Variants in MMP24 observed in about 807,000 individuals in gnomAD.
The protein encoded by MMP24 is matrix metallopeptidase 24.
In MMP24, 25 loss-of-function variants were observed where a neutral mutation model predicts 62.8. That is an observed-to-expected ratio of 0.40 (90% confidence interval 0.29 to 0.56). MMP24 has a LOEUF of 0.56. MMP24 is among the 20% of genes least tolerant of loss of function. The pLI is 0.50. For missense variants in MMP24, 634 were observed against 853.6 expected (o/e 0.74, Z 3.21); for synonymous variants, 319 against 350.5 (o/e 0.91, Z 1.00).
At chr20:35,257,644 A>G (rs910060074) in intron 4 of MMP24, among the ~76,000 whole-genome samples, 7 of 152,072 alleles carry the variant, frequency 4.6e-5, no homozygotes, top group Admixed American at 2.0e-4. Flanking sequence ...AACTTGTTGG[A>G]CCCAGCCCCC....
rs183595253 is a variant in MMP24, at chr20:35,242,362, A to T, written c.247-4478A>T. On this transcript the variant is annotated intron_variant, in intron 1 of 8. Coordinates refer to ENST00000246186, the MANE Select transcript of MMP24 (RefSeq NM_006690.4). ...ATAAAATAAAATAAAAATTAAATTT[A>T]AAAAAAGCCCATAATGTCTTTATGT... 6.4e-4 allele frequency among the ~76,000 whole-genome samples: 97 copies of T among 152,192 alleles called. 1 individual carries two copies. The East Asian group carries it at 0.017, about 27-fold the overall frequency.
chr20:35,274,691 T>A lies in MMP24; in HGVS notation c.*82T>A, dbSNP rs2060693947. On this transcript the variant is annotated 3_prime_UTR_variant, in exon 9 of 9. Coordinates refer to ENST00000246186, the MANE Select transcript of MMP24 (RefSeq NM_006690.4). The surrounding 1 kb of genome is among the most constrained non-coding windows in gnomAD (Gnocchi z 5.1). Reference sequence around the variant, plus strand: ...GGGTCTGAGGGGCAGCTCTGGCCAGTGCTCACCAGGGCCAGCAGGGCCCTA... The same window carrying A: ...GGGTCTGAGGGGCAGCTCTGGCCAGAGCTCACCAGGGCCAGCAGGGCCCTA... 6 of 1,255,584 alleles carry A rather than the reference T, an allele frequency of 4.8e-6. No homozygotes were observed. In the Admixed American group the frequency reaches 1.5e-4, roughly 32 times the overall value. The allele number at this position is 1,255,584 out of a possible 1,614,324, so 77.8% of individuals were successfully genotyped here.
intron 4 of MMP24, among the ~76,000 whole-genome samples, chr20:35,261,587 C>G (rs2425027): frequency 0.14 from 20,778 of 152,108 alleles, 1,500 homozygotes; most frequent in South Asian, 0.16. Context: ...CTGTGTCCCA[C>G]TTCCAGGACC....
At chr20:35,266,376 G>T (rs961279765) in intron 5 of MMP24, among the ~76,000 whole-genome samples, 41 of 138,084 alleles carry the variant, frequency 3.0e-4, no homozygotes, top group Non-Finnish European at 4.8e-4. Flanking sequence ...AAAAAAAAAA[G>T]TTGGAGAGCT....
intron 1 of MMP24, among the ~76,000 whole-genome samples, chr20:35,237,840 G>A (rs1046707342): frequency 5.3e-5 from 8 of 152,180 alleles, no homozygotes; most frequent in Admixed American, 6.5e-5. Flanking sequence ...CTAACTCTGT[G>A]GAGGAGGCTG....
rs553647206 is a variant in MMP24, at chr20:35,244,590, G to A, written c.247-2250G>A. On this transcript the variant is annotated intron_variant, in intron 1 of 8. Coordinates refer to ENST00000246186, the MANE Select transcript of MMP24 (RefSeq NM_006690.4). Reference sequence around the variant, plus strand: ...CGAGTAGCTGAGATTACAGGCACCCGTCACCATGCCCGGCTAATTTTTGTA... The same window carrying A: ...CGAGTAGCTGAGATTACAGGCACCCATCACCATGCCCGGCTAATTTTTGTA... Among the ~76,000 whole-genome samples the A allele has an allele frequency of 2.2e-3, 330 of 151,912 alleles. 1 individual carries two copies. Among genetic ancestry groups the A allele is most frequent in the African/African-American group, 7.6e-3 (316 of 41,388 alleles).
rs1316763623 is a variant in MMP24, at chr20:35,270,327, G to A, written c.1333+429G>A. The stretch of plus-strand genomic sequence containing the variant: ...CTCGGGCCAGACCTCAGATGGGTGA[G>A]ATACAGATAGTGAGAAGCAAGGAAG... On this transcript the variant is annotated intron_variant, in intron 7 of 8. Transcript: ENST00000246186. 2.0e-5 allele frequency among the ~76,000 whole-genome samples: 3 copies of A among 152,234 alleles called. No individual in the cohort carries two copies. In the Middle Eastern group the frequency reaches 9.5e-3, roughly 482 times the overall value.
rs1338200425 is a variant in MMP24, at chr20:35,251,888, G to T, written c.396-17G>T. ...CCACAGTGCATATGCGTGTGTGTGT[G>T]TCCTCTCTCTGCCCAGGTGGATGAA... is the stretch of plus-strand genomic sequence containing the variant. On this transcript the variant is annotated splice_polypyrimidine_tract_variant and intron_variant, in intron 2 of 8. Transcript: ENST00000246186. 6.3e-7 allele frequency: 1 copy of T among 1,590,894 alleles called. No homozygotes were observed. Among genetic ancestry groups the T allele is most frequent in the Non-Finnish European group, 8.6e-7 (1 of 1,158,940 alleles).
intron 1 of MMP24, among the ~76,000 whole-genome samples, chr20:35,240,657 C>T (rs528856111): frequency 6.6e-6 from 1 of 152,054 alleles, no homozygotes; most frequent in South Asian, 2.1e-4. Flanking sequence ...GATTGAATTT[C>T]AGCAAGTGTT....
At chr20:35,273,475 G>A (rs192534288) in intron 8 of MMP24, among the ~76,000 whole-genome samples, 198 of 152,232 alleles carry the variant, frequency 1.3e-3, no homozygotes, top group Admixed American at 2.2e-3. Context: ...CTGGGAAGGA[G>A]TCTCTGAGGA....
At chr20:35,245,867 C>T (rs913207141) in intron 1 of MMP24, among the ~76,000 whole-genome samples, 1 of 150,946 alleles carries the variant, frequency 6.6e-6, no homozygotes, top group Admixed American at 6.6e-5. Flanking sequence ...CAGCCTCAGT[C>T]CTTCAGTGTG....
rs34474017 is a variant in MMP24 at position 35,253,270 on chromosome 20, CTTTTTTTT to C, written c.513-1164_513-1157del. Among the ~76,000 whole-genome samples, 4 of 79,078 alleles carry C rather than the reference CTTTTTTTT, an allele frequency of 5.1e-5. No individual in the cohort carries two copies. In the East Asian group the frequency reaches 1.1e-3, roughly 21 times the overall value. 51.9% of individuals were successfully genotyped at this position (79,078 alleles called of 152,430 possible). On this transcript the variant is annotated intron_variant, in intron 3 of 8. Transcript: ENST00000246186. ...GACAAGCACTCCCTACAGAACGGGA[CTTTTTTTT>C]TTTTTTTTTTTTTTTCAGAAATCTG...
Position 35,263,945 on chromosome 20 carries a change from GATCT to G in MMP24, c.975_978del (p.Ile325MetfsTer129). The G allele has an allele frequency of 6.2e-7, 1 of 1,605,120 alleles. No individual in the cohort carries two copies. Among genetic ancestry groups the G allele is most frequent in the Non-Finnish European group, 8.5e-7 (1 of 1,175,272 alleles). Reference sequence around the variant, plus strand: ...AGGACGATCTCCAGGGCATCCAGAAGATCTATGGTGTGTGGCAGGGAGAGGGGGG... The same window carrying G: ...AGGACGATCTCCAGGGCATCCAGAAGATGGTGTGTGGCAGGGAGAGGGGGG... On this transcript the variant is annotated frameshift_variant, in exon 5 of 9. Coordinates refer to ENST00000246186, the MANE Select transcript of MMP24 (RefSeq NM_006690.4). LOFTEE classifies it high-confidence loss of function.
chr20:35,261,891 C>T (rs1212476562), intron 4 of MMP24, among the ~76,000 whole-genome samples: 1 of 151,540 alleles, frequency 6.6e-6, no homozygotes, highest in Non-Finnish European at 1.5e-5. Context: ...ACCTCCACCT[C>T]CCAGGATCAA....
intron 2 of MMP24, among the ~76,000 whole-genome samples, chr20:35,251,010 T>C (rs1280865615): frequency 1.3e-5 from 2 of 152,202 alleles, no homozygotes; most frequent in East Asian, 3.8e-4. Flanking sequence ...CTGTCCTCAA[T>C]TTACCATTTA....
chr20:35,265,229 T>C (rs1047417999), intron 5 of MMP24, among the ~76,000 whole-genome samples: 1 of 151,894 alleles, frequency 6.6e-6, no homozygotes, highest in Non-Finnish European at 1.5e-5. Context: ...TTACCTGAGG[T>C]CAGGAGTTCA....
intron 4 of MMP24, chr20:35,255,946 G>C (rs147063971): frequency 6.6e-6 from 1 of 152,140 alleles, no homozygotes; most frequent in Non-Finnish European, 1.5e-5. Context: ...AGGTGTGCAC[G>C]TAAGTAACCC....
In MMP24 at chr20:35,226,769, CCGG is replaced by C; in HGVS notation, c.32_34del (p.Pro11_Gly12delinsArg). 5.1e-6 allele frequency: 3 copies of C among 585,772 alleles called. No individual in the cohort carries two copies. The highest frequency in any genetic ancestry group is 5.6e-6 in the Non-Finnish European group (3 of 536,962). 36.3% of individuals were successfully genotyped at this position (585,772 alleles called of 1,614,324 possible). ...GAGGAGCCGGGGCGGCCGCGCCGCG[CCGG>C]GGCCGCCGCCGCCGCCGCCGCCGCC... On this transcript the variant is annotated inframe_deletion, in exon 1 of 9. Transcript: ENST00000246186.
chr20:35,244,711 A>AAGCACT (rs1394853980), intron 1 of MMP24, among the ~76,000 whole-genome samples: 2 of 152,294 alleles, frequency 1.3e-5, no homozygotes, highest in East Asian at 3.9e-4. Context: ...AAGTGCTGAG[A>AAGCACT]TTACAGGCAT....
Sources: allele counts gnomAD v4.1 joint callset (sites outside exome capture counted in the v4.1 genomes callset), GRCh38; gene constraint gnomAD v4.1.1; non-coding constraint Gnocchi (gnomAD v3.1); transcripts MANE v1.5; gene names NCBI Gene and HGNC (gene_info 2026-07-23, HGNC 2026-07-21).